Variants in ROCK1 observed in about 807,000 individuals in gnomAD.
ROCK1 encodes Rho associated coiled-coil containing protein kinase 1, also known as rho-associated protein kinase 1.
Under a neutral mutation model 196.8 loss-of-function variants are expected in ROCK1, and 36 were observed. That is an observed-to-expected ratio of 0.18 (90% CI 0.14 to 0.24). The LOEUF is 0.24. Ranked by LOEUF, ROCK1 falls within the 10% of genes least tolerant of loss-of-function variation. ROCK1 has a pLI of 1.00. For synonymous variants in ROCK1, 443 were observed against 515.9 expected (o/e 0.86, Z 1.91); for missense variants, 920 against 1,562.0 (o/e 0.59, Z 6.93).
At chr18:21,094,505 T>C (rs2036596373) in intron 1 of ROCK1, among the ~76,000 whole-genome samples, 1 of 151,944 alleles carries the variant, frequency 6.6e-6, no homozygotes, top group South Asian at 2.1e-4. Flanking sequence ...TCCCAGCACT[T>C]TGGGAGGAGG....
chr18:21,058,713 G>A (rs572775404), intron 2 of ROCK1, among the ~76,000 whole-genome samples: 39 of 152,128 alleles, frequency 2.6e-4, no homozygotes, highest in African/African-American at 7.2e-4. Context: ...CCAAGTAGCC[G>A]GGACTATAGG....
intron 29 of ROCK1, among the ~76,000 whole-genome samples, chr18:20,957,673 G>C (rs2035257662): frequency 6.6e-6 from 1 of 151,842 alleles, no homozygotes; most frequent in African/African-American, 2.4e-5. Context: ...GTAGAGACAG[G>C]GTTTCACCAT....
intron 21 of ROCK1, among the ~76,000 whole-genome samples, chr18:20,981,990 G>T (rs1209624116): frequency 3.9e-5 from 6 of 152,152 alleles, no homozygotes; most frequent in African/African-American, 1.4e-4. Context: ...TTAATCCAAT[G>T]CCCACAAGCA....
At chr18:20,962,429 T>C (rs2035335962) in intron 27 of ROCK1, among the ~76,000 whole-genome samples, 1 of 152,198 alleles carries the variant, frequency 6.6e-6, no homozygotes, top group Non-Finnish European at 1.5e-5. Flanking sequence ...TAAAAGCCTT[T>C]GAATTCTTGA....
rs2143499162 is a variant in ROCK1 at position 21,039,481 on chromosome 18, G to C, written c.1042C>G (p.Leu348Val). 1 of 1,612,250 alleles carries C rather than the reference G, an allele frequency of 6.2e-7. No homozygotes were observed. Among genetic ancestry groups the C allele is most frequent in the Non-Finnish European group, 8.5e-7 (1 of 1,178,764 alleles). ...AAAAAAAAAAACTTACTGTCTCGGA[G>C]CGTTTCCCAAGCCCACTGGTCATTT... ...FKNDQWAWETLRDTVAPVVPD... is the reference protein window; with the variant it reads ...FKNDQWAWETVRDTVAPVVPD... Residue 348 changes from leucine (L) to valine (V), a missense_variant, in exon 9 of 33, where the codon CTC becomes GTC. Coordinates refer to ENST00000399799, the MANE Select transcript of ROCK1 (RefSeq NM_005406.3).
chr18:21,015,298 G>A, intron 13 of ROCK1, 133 bp downstream of exon 13: 2 of 685,314 alleles, frequency 2.9e-6, no homozygotes, highest in Non-Finnish European at 5.3e-6. Flanking sequence ...CCAAGGTGAG[G>A]CTTTCATCAC....
intron 13 of ROCK1, among the ~76,000 whole-genome samples, chr18:21,015,070 T>A (rs1442573394): frequency 2.0e-5 from 3 of 152,230 alleles, no homozygotes; most frequent in Non-Finnish European, 4.4e-5. Context: ...AAAAATATTT[T>A]AAACTGTATT....
chr18:21,005,533 G>T (rs753630062), intron 16 of ROCK1, among the ~76,000 whole-genome samples: 3 of 152,176 alleles, frequency 2.0e-5, no homozygotes, highest in Non-Finnish European at 4.4e-5. Flanking sequence ...GAGTACCTGT[G>T]AGGGTGAAGA....
Position 21,042,427 on chromosome 18 carries a change from G to A in ROCK1, c.820+138C>T, listed in dbSNP as rs1235713358. ...TCTAAATGCTTTTAAAAACACATAC[G>A]AAGCAGGTTTGGATCATGTTTATTA... On this transcript the variant is annotated intron_variant, in intron 7 of 32. Transcript: ENST00000399799. 9.2e-5 allele frequency: 99 copies of A among 1,070,550 alleles called. 1 individual carries two copies. The highest frequency in any genetic ancestry group is 1.2e-4 in the Non-Finnish European group (88 of 761,576). 66.3% of individuals were successfully genotyped at this position (1,070,550 alleles called of 1,614,324 possible).
intron 2 of ROCK1, among the ~76,000 whole-genome samples, chr18:21,058,916 T>C (rs2036266338): frequency 2.0e-5 from 3 of 152,124 alleles, no homozygotes; most frequent in African/African-American, 4.8e-5. Flanking sequence ...GTCCAAATGT[T>C]CAAATAAAAT....
intron 6 of ROCK1, 63 bp downstream of exon 6, chr18:21,044,039 C>G: frequency 2.0e-6 from 2 of 976,544 alleles, no homozygotes; most frequent in Non-Finnish European, 3.2e-6. Context: ...ATTCTTAAAC[C>G]ATTTTCTAAA....
chr18:21,017,560 T>C lies in ROCK1; in HGVS notation c.1362-2081A>G, dbSNP rs141786725. Among the ~76,000 whole-genome samples the C allele has an allele frequency of 2.0e-3, 309 of 152,284 alleles. 2 individuals carry two copies. Among genetic ancestry groups the C allele is most frequent in the African/African-American group, 6.9e-3 (288 of 41,560 alleles). On this transcript the variant is annotated intron_variant, in intron 12 of 32. Coordinates refer to ENST00000399799, the MANE Select transcript of ROCK1 (RefSeq NM_005406.3). ...ACAAGCTCCTTGTGGAGAGGGGCCA[T>C]GTCGTGATTTATTCAGTACTATATT...
At chr18:21,023,812 G>A in intron 10 of ROCK1, 132 bp from the exon 11 acceptor site, 2 of 440,252 alleles carry the variant, frequency 4.5e-6, no homozygotes, top group South Asian at 5.9e-5. Flanking sequence ...ATTAAGTATA[G>A]GTTCATAATT....
chr18:20,988,151 C>T (rs1290394377), intron 18 of ROCK1, among the ~76,000 whole-genome samples: 2 of 151,932 alleles, frequency 1.3e-5, no homozygotes, highest in African/African-American at 4.8e-5. Context: ...CTGCAACTTC[C>T]GCCTCCTGGA....
intron 16 of ROCK1, among the ~76,000 whole-genome samples, chr18:20,997,667 C>T (rs1416466178): frequency 2.0e-5 from 3 of 152,114 alleles, no homozygotes; most frequent in Non-Finnish European, 4.4e-5. Flanking sequence ...AACATTTCAT[C>T]CAACAGCCAC....
chr18:20,989,218 T>C (rs1290641887), intron 18 of ROCK1, among the ~76,000 whole-genome samples: 1 of 152,214 alleles, frequency 6.6e-6, no homozygotes, highest in Non-Finnish European at 1.5e-5. Context: ...GCCAAGATAA[T>C]AGCTACTGAA....
intron 1 of ROCK1, among the ~76,000 whole-genome samples, chr18:21,071,745 CA>C (rs2036387691): frequency 6.6e-6 from 1 of 151,496 alleles, no homozygotes; most frequent in Admixed American, 6.6e-5. Context: ...CCAGACAGGT[CA>C]AAACATTAAA....
At chr18:21,104,269 C>T (rs992378019) in intron 1 of ROCK1, among the ~76,000 whole-genome samples, 4 of 152,176 alleles carry the variant, frequency 2.6e-5, no homozygotes, top group African/African-American at 9.7e-5. Flanking sequence ...CTTTATTCAA[C>T]ATAAAATTTT....
At chr18:21,011,844 A>G (rs1479270578) in intron 13 of ROCK1, among the ~76,000 whole-genome samples, 1 of 152,234 alleles carries the variant, frequency 6.6e-6, no homozygotes, top group Non-Finnish European at 1.5e-5. Context: ...CATATTAGAC[A>G]ATATAATTTC....
Sources: gnomAD v4.1 joint callset for allele counts (sites outside exome capture counted in the v4.1 genomes callset) on GRCh38, gnomAD v4.1.1 for gene constraint, MANE v1.5 for transcripts, NCBI Gene and HGNC (gene_info 2026-07-23, HGNC 2026-07-21) for gene names.